SLC13A3: variants seen among roughly 807,000 people sequenced by gnomAD.
SLC13A3 encodes Na(+)/dicarboxylate cotransporter 3.
A neutral mutation model predicts 59.0 loss-of-function variants in SLC13A3; 40 were observed. That is an observed-to-expected ratio of 0.68 (90% CI 0.53 to 0.88). SLC13A3 has a LOEUF of 0.88. SLC13A3 is among the 40% of genes least tolerant of loss of function. The pLI is 0.00. For synonymous variants in SLC13A3, 317 were observed against 330.3 expected (o/e 0.96, Z 0.44); for missense variants, 699 against 783.2 (o/e 0.89, Z 1.28).
chr20:46,576,443 T>C (rs1343160863), intron 9 of SLC13A3, among the ~76,000 whole-genome samples: 1 of 152,132 alleles, frequency 6.6e-6, no homozygotes. Context: ...CAAGTGACTT[T>C]GCCTCCCTGA....
At chr20:46,572,483 C>G (rs761323446) in intron 10 of SLC13A3, among the ~76,000 whole-genome samples, 59 of 152,126 alleles carry the variant, frequency 3.9e-4, no homozygotes, top group Non-Finnish European at 7.8e-4. Context: ...AGCCAGTGCT[C>G]CCCACACCAC....
intron 1 of SLC13A3, among the ~76,000 whole-genome samples, chr20:46,680,529 C>T (rs539170637): frequency 6.6e-6 from 1 of 152,322 alleles, no homozygotes; most frequent in Admixed American, 6.5e-5. Context: ...TGGTCAGCTC[C>T]TCCAGGGATC....
chr20:46,577,936 G>A (rs1337310681), intron 9 of SLC13A3, among the ~76,000 whole-genome samples: 1 of 152,214 alleles, frequency 6.6e-6, no homozygotes, highest in Admixed American at 6.5e-5. Flanking sequence ...GTCCCACTGT[G>A]CAAAGGACTC....
intron 1 of SLC13A3, among the ~76,000 whole-genome samples, chr20:46,661,280 T>C (rs889670609): frequency 1.3e-5 from 2 of 152,284 alleles, no homozygotes; most frequent in Middle Eastern, 3.4e-3. Flanking sequence ...GTAAAACCGA[T>C]AGAGTATGGA....
intron 2 of SLC13A3, among the ~76,000 whole-genome samples, chr20:46,611,662 A>C (rs1157613494): frequency 6.6e-6 from 1 of 152,126 alleles, no homozygotes; most frequent in Non-Finnish European, 1.5e-5. Context: ...GTTCATCTCC[A>C]CTGCCACCTC....
chr20:46,587,005 A>G (rs373809172), intron 8 of SLC13A3, among the ~76,000 whole-genome samples: 3 of 152,360 alleles, frequency 2.0e-5, no homozygotes, highest in East Asian at 1.9e-4. Context: ...GTGTATTACA[A>G]GACGTTGTCT....
upstream of SLC13A3, among the ~76,000 whole-genome samples, chr20:46,670,412 G>A (rs2063084534): frequency 1.3e-5 from 2 of 152,282 alleles, no homozygotes; most frequent in South Asian, 4.1e-4. Context: ...TCACACCCTT[G>A]TGTAGTCCCC....
At chr20:46,564,918 T>C (rs1222743965) in intron 11 of SLC13A3, among the ~76,000 whole-genome samples, 2 of 152,230 alleles carry the variant, frequency 1.3e-5, no homozygotes, top group Non-Finnish European at 2.9e-5. Context: ...AGTGTATATC[T>C]GTGTGCTAAC....
At chr20:46,594,698 G>A (rs1446411977) in intron 5 of SLC13A3, among the ~76,000 whole-genome samples, 4 of 151,400 alleles carry the variant, frequency 2.6e-5, no homozygotes, top group Non-Finnish European at 5.9e-5. Flanking sequence ...AAAACTCAGT[G>A]GGCTTAAATC....
At chr20:46,608,833 A>G (rs1405304391) in intron 3 of SLC13A3, 2 of 1,515,654 alleles carry the variant, frequency 1.3e-6, no homozygotes, top group Non-Finnish European at 1.8e-6. Flanking sequence ...CCAAAGCCAC[A>G]GGGGCAGATC....
intron 9 of SLC13A3, among the ~76,000 whole-genome samples, chr20:46,581,985 A>G (rs1427895278): frequency 6.6e-6 from 1 of 152,182 alleles, no homozygotes; most frequent in African/African-American, 2.4e-5. Context: ...AGGTCCAGCT[A>G]TGCTACAGGA....
chr20:46,620,955 G>T (rs763692186), intron 1 of SLC13A3, among the ~76,000 whole-genome samples: 4 of 152,202 alleles, frequency 2.6e-5, no homozygotes, highest in Non-Finnish European at 5.9e-5. Flanking sequence ...ACATGGCTTT[G>T]CCAGTACAAT....
chr20:46,648,004 G>C (rs1192052336), intron 1 of SLC13A3, among the ~76,000 whole-genome samples: 1 of 152,238 alleles, frequency 6.6e-6, no homozygotes, highest in Non-Finnish European at 1.5e-5. Context: ...AGGCTGAGAA[G>C]TGACAATCTG....
At chr20:46,592,301 A>G in intron 6 of SLC13A3, 103 bp downstream of exon 6, 1 of 1,394,012 alleles carries the variant, frequency 7.2e-7, no homozygotes, top group Non-Finnish European at 9.9e-7. Context: ...TGAGAATACA[A>G]CATGAAATAA....
chr20:46,595,213 TA>T (rs1357883539), intron 5 of SLC13A3, among the ~76,000 whole-genome samples: 2 of 152,318 alleles, frequency 1.3e-5, no homozygotes, highest in South Asian at 4.1e-4. Flanking sequence ...CTAAAAGTCT[TA>T]AAGACAGAAT....
chr20:46,611,962 T>A (rs1228691815), intron 2 of SLC13A3, among the ~76,000 whole-genome samples: 1 of 152,098 alleles, frequency 6.6e-6, no homozygotes, highest in Non-Finnish European at 1.5e-5. Context: ...TAACATCTAA[T>A]CAAATTAAGC....
intron 1 of SLC13A3, among the ~76,000 whole-genome samples, chr20:46,638,635 C>A (rs1438654702): frequency 6.6e-6 from 1 of 152,206 alleles, no homozygotes; most frequent in Non-Finnish European, 1.5e-5. Flanking sequence ...AGGCCCTCTG[C>A]CTCCAGGCTG....
At chr20:46,632,893 A>C (rs2062754831) in intron 1 of SLC13A3, among the ~76,000 whole-genome samples, 1 of 15,304 alleles carries the variant, frequency 6.5e-5, no homozygotes. Context: ...AGATAGATAG[A>C]TAGATAGATA....
chr20:46,609,791 A>G (rs1201697386), intron 3 of SLC13A3, among the ~76,000 whole-genome samples: 4 of 152,210 alleles, frequency 2.6e-5, no homozygotes, highest in Admixed American at 1.3e-4. Flanking sequence ...AATAAAGTGC[A>G]TGTAGCCACC....
Sources: gnomAD v4.1 joint callset for allele counts (sites outside exome capture counted in the v4.1 genomes callset) on GRCh38, gnomAD v4.1.1 for gene constraint, MANE v1.5 for transcripts, NCBI Gene and HGNC (gene_info 2026-07-23, HGNC 2026-07-21) for gene names.